Variants in GPR158 observed in about 807,000 individuals in gnomAD.
GPR158 encodes G protein-coupled receptor 158, also known as metabotropic glycine receptor.
A neutral mutation model predicts 78.2 loss-of-function variants in GPR158; 30 were observed. The ratio of observed to expected loss-of-function variants is 0.38; its 90% CI spans 0.29 to 0.52. The LOEUF (loss-of-function observed/expected upper bound fraction) is 0.52, where lower values mean the gene tolerates loss of function less well. Among genes scored for constraint, GPR158 ranks in the 20% least tolerant of loss-of-function variants. The pLI, the probability that GPR158 is intolerant of heterozygous loss-of-function variation, is 0.83. For synonymous variants in GPR158, 581 were observed against 591.1 expected (o/e 0.98, Z 0.25); for missense variants, 1,463 against 1,523.5 (o/e 0.96, Z 0.66).
intron 2 of GPR158, among the ~76,000 whole-genome samples, chr10:25,302,293 C>A (rs1854610575): frequency 6.7e-6 from 1 of 150,008 alleles, no homozygotes; most frequent in Admixed American, 6.7e-5. Context: ...ACCGTGTTAG[C>A]CAGGATGGTC....
intron 6 of GPR158, 29 bp downstream of exon 6, chr10:25,551,114 C>T: frequency 8.2e-7 from 1 of 1,223,418 alleles, no homozygotes; most frequent in Non-Finnish European, 1.2e-6. Flanking sequence ...TCGTCATTCT[C>T]ATGGAAAGAT....
At chr10:25,194,545 TATATA>T (rs1315686844) in intron 1 of GPR158, among the ~76,000 whole-genome samples, 1 of 151,582 alleles carries the variant, frequency 6.6e-6, no homozygotes, top group Non-Finnish European at 1.5e-5. Context: ...TCTCAAAAAA[TATATA>T]AATAAATAAA....
intron 5 of GPR158, among the ~76,000 whole-genome samples, chr10:25,496,157 G>A (rs551739942): frequency 3.4e-4 from 52 of 152,106 alleles, no homozygotes; most frequent in African/African-American, 8.4e-4. Context: ...ACTTGTCCCC[G>A]CTCCCCCAAC....
chr10:25,373,194 G>T (rs1834026270), intron 2 of GPR158, among the ~76,000 whole-genome samples: 1 of 151,764 alleles, frequency 6.6e-6, no homozygotes, highest in Non-Finnish European at 1.5e-5. Flanking sequence ...AATAACACAG[G>T]AACAAAATAC....
At chr10:25,305,733 A>C (rs1564416797) in intron 2 of GPR158, among the ~76,000 whole-genome samples, 1 of 152,162 alleles carries the variant, frequency 6.6e-6, no homozygotes. Context: ...AGGCAGAAAA[A>C]ACAGCAACAA....
At chr10:25,292,646 A>C (rs528134013) in intron 2 of GPR158, among the ~76,000 whole-genome samples, 68 of 152,250 alleles carry the variant, frequency 4.5e-4, no homozygotes, top group African/African-American at 1.5e-3. Flanking sequence ...AAAATAAATG[A>C]GGTCTTTAAA....
At chr10:25,272,620 G>T (rs577862354) in intron 2 of GPR158, among the ~76,000 whole-genome samples, 2 of 152,226 alleles carry the variant, frequency 1.3e-5, no homozygotes, top group East Asian at 1.9e-4. Context: ...TTATAAAAAT[G>T]GATTGCTTCT....
chr10:25,547,052 G>A (rs906459494), intron 5 of GPR158, among the ~76,000 whole-genome samples: 1 of 152,192 alleles, frequency 6.6e-6, no homozygotes, highest in Non-Finnish European at 1.5e-5. Context: ...AAGCAGGGAA[G>A]TGAGGTGATG....
At chr10:25,473,207 G>A (rs548383535) in intron 5 of GPR158, among the ~76,000 whole-genome samples, 12 of 139,426 alleles carry the variant, frequency 8.6e-5, no homozygotes, top group African/African-American at 3.7e-4. Context: ...CATCTATTGA[G>A]ATAATCATGT....
chr10:25,534,362 A>G (rs1836463193), intron 5 of GPR158, among the ~76,000 whole-genome samples: 1 of 152,086 alleles, frequency 6.6e-6, no homozygotes, highest in African/African-American at 2.4e-5. Context: ...GAATTAGGCC[A>G]GGCGCGGTAT....
At chr10:25,338,409 A>T (rs1049849424) in intron 2 of GPR158, among the ~76,000 whole-genome samples, 1 of 145,460 alleles carries the variant, frequency 6.9e-6, no homozygotes, top group African/African-American at 2.5e-5. Context: ...TATTATATAT[A>T]ACGTATTATA....
At chr10:25,364,542 C>A (rs1855691380) in intron 2 of GPR158, among the ~76,000 whole-genome samples, 1 of 151,966 alleles carries the variant, frequency 6.6e-6, no homozygotes, top group South Asian at 2.1e-4. Flanking sequence ...ACATTTTTGA[C>A]TCTTTAATGC....
chr10:25,195,841 G>A (rs1852836823), intron 1 of GPR158, among the ~76,000 whole-genome samples: 1 of 152,106 alleles, frequency 6.6e-6, no homozygotes, highest in South Asian at 2.1e-4. Flanking sequence ...GAATACAGAA[G>A]TATAGGTTCA....
At chr10:25,577,814 T>C (rs6482499) in intron 7 of GPR158, among the ~76,000 whole-genome samples, 11,509 of 152,268 alleles carry the variant, frequency 0.076, 556 homozygotes, top group African/African-American at 0.14. Context: ...TTGTCATTTA[T>C]GTCCGTTTAT....
chr10:25,573,340 T>C (rs1012876660), intron 7 of GPR158, among the ~76,000 whole-genome samples: 3 of 152,234 alleles, frequency 2.0e-5, no homozygotes. Flanking sequence ...AAATATTGTC[T>C]CTGCAAAATT....
chr10:25,204,308 G>A (rs571719116), intron 1 of GPR158, among the ~76,000 whole-genome samples: 1 of 152,214 alleles, frequency 6.6e-6, no homozygotes, highest in Non-Finnish European at 1.5e-5. Flanking sequence ...GGAGTGTTGA[G>A]AGAAAGCATC....
intron 2 of GPR158, among the ~76,000 whole-genome samples, chr10:25,224,174 T>C (rs767020084): frequency 2.6e-5 from 4 of 152,178 alleles, no homozygotes; most frequent in Non-Finnish European, 5.9e-5. Flanking sequence ...ATAGATTTGG[T>C]CAGTTTTCAC....
intron 2 of GPR158, among the ~76,000 whole-genome samples, chr10:25,291,345 C>T (rs11597347): frequency 0.12 from 17,634 of 151,944 alleles, 1,252 homozygotes; most frequent in African/African-American, 0.19. Flanking sequence ...GAAATGGGAT[C>T]AATTTCTGAT....
At chr10:25,195,431 C>T (rs1852830779) in intron 1 of GPR158, among the ~76,000 whole-genome samples, 1 of 152,176 alleles carries the variant, frequency 6.6e-6, no homozygotes, top group African/African-American at 2.4e-5. Context: ...GCCTTGAACT[C>T]CTGACCTCAG....
Sources: gnomAD v4.1 joint callset for allele counts (sites outside exome capture counted in the v4.1 genomes callset) on GRCh38, gnomAD v4.1.1 for gene constraint, MANE v1.5 for transcripts, NCBI Gene and HGNC (gene_info 2026-07-23, HGNC 2026-07-21) for gene names.